The following GAL3ST2 variants were observed in gnomAD, a reference collection of about 807,000 sequenced individuals.
The protein encoded by GAL3ST2 is beta-galactose-3-O-sulfotransferase 2.
GAL3ST2 carries 16 observed loss-of-function variants against 12.9 expected under a neutral mutation model. That is an observed-to-expected ratio of 1.24 (90% CI 0.84 to 1.88). The LOEUF (loss-of-function observed/expected upper bound fraction) is 1.88, where lower values mean the gene tolerates loss of function less well. Ranked by LOEUF, GAL3ST2 falls within the 40% of genes most tolerant of loss-of-function variation. GAL3ST2 has a pLI of 0.00. For synonymous variants in GAL3ST2, 302 were observed against 273.9 expected, an observed-to-expected ratio of 1.10 and a Z score of -1.01; for missense variants, 639 against 571.8, an observed-to-expected ratio of 1.12 and a Z score of -1.20.
Position 241,804,210 on chromosome 2 carries a change from T to G in GAL3ST2, c.*44T>G. On this transcript the variant is annotated 3_prime_UTR_variant, in exon 4 of 4. Coordinates refer to ENST00000192314, the MANE Select transcript of GAL3ST2 (RefSeq NM_022134.3). ...GAGGCCTCCTGCGGACACCAGCTCC[T>G]CTCTCCGCCGTCACCGGGGAGGCCG... 3.0e-6 allele frequency: 4 copies of G among 1,350,150 alleles called. No individual in the cohort carries two copies. Among genetic ancestry groups the G allele is most frequent in the Non-Finnish European group, 3.8e-6 (4 of 1,040,576 alleles). 83.6% of individuals were successfully genotyped at this position (1,350,150 alleles called of 1,614,324 possible). A position where few individuals can be genotyped will look rare whatever the true frequency, so the allele number is the denominator to read the frequency against.
Position 241,803,716 on chromosome 2 carries a change from G to A in GAL3ST2, c.747G>A (p.Val249=). ...TGCGCTGGGCGCTGGACGACGTGGT[G>A]GCCTTCAGGCTCAACTCCCGCAGCG... ...RRLRWALDDV[V]AFRLNSRSAR... The change falls in exon 4 of 4, where the codon GTG becomes GTA. Residue 249 remains valine, a synonymous_variant. Transcript: ENST00000192314. 1 of 1,541,962 alleles carries A rather than the reference G, an allele frequency of 6.5e-7. No homozygotes were observed. Among genetic ancestry groups the A allele is most frequent in the Non-Finnish European group, 8.7e-7 (1 of 1,143,776 alleles).
At chr2:241,780,921 G>A (rs182688194) in intron 1 of GAL3ST2, among the ~76,000 whole-genome samples, 2 of 152,322 alleles carry the variant, frequency 1.3e-5, no homozygotes, top group East Asian at 3.9e-4. Context: ...GTTTTTCCAA[G>A]GGGCATTTAT....
At position 241,801,020 on chromosome 2, in the gene GAL3ST2, C is replaced by G. The variant is rs930332648; in HGVS notation, c.120-761C>G. The G allele has an allele frequency of 6.6e-6, 1 of 152,164 alleles. No homozygotes were observed. Among genetic ancestry groups the G allele is most frequent in the Non-Finnish European group, 1.5e-5 (1 of 68,044 alleles). The allele number at this position is 152,164 out of a possible 1,614,324, so 9.4% of individuals were successfully genotyped here. ...TGCAGGTTTGTTACACAGGTATACA[C>G]GTGCCACGGTAGTTTACTGCACCTA... On this transcript the variant is annotated intron_variant, in intron 2 of 3. Coordinates refer to ENST00000192314, the MANE Select transcript of GAL3ST2 (RefSeq NM_022134.3). This position sits in a 1 kb window ranked among gnomAD's most constrained non-coding sequence, Gnocchi z 4.4.
chr2:241,782,104 T>A (rs899065438), intron 1 of GAL3ST2, among the ~76,000 whole-genome samples: 3 of 152,212 alleles, frequency 2.0e-5, no homozygotes, highest in African/African-American at 7.2e-5. Flanking sequence ...GTAACTTTTA[T>A]TTAGGAGTTG....
intron 1 of GAL3ST2, among the ~76,000 whole-genome samples, chr2:241,797,231 G>A (rs939056648): frequency 2.0e-5 from 3 of 152,102 alleles, no homozygotes; most frequent in Non-Finnish European, 2.9e-5. Context: ...TTGCTTAGAC[G>A]GCAGCCTCAT....
chr2:241,782,383 T>A (rs1699576249), intron 1 of GAL3ST2, among the ~76,000 whole-genome samples: 3 of 152,184 alleles, frequency 2.0e-5, no homozygotes, highest in Admixed American at 2.0e-4. Flanking sequence ...TGGAGTGCAG[T>A]GGTGCAATTT....
chr2:241,790,407 T>C (rs1024292923), intron 1 of GAL3ST2, among the ~76,000 whole-genome samples: 1 of 152,224 alleles, frequency 6.6e-6, no homozygotes, highest in Non-Finnish European at 1.5e-5. Context: ...GAGAAAACTT[T>C]TCTTTTGAGC....
chr2:241,786,139 T>TTGTGTGTG (rs141438054), intron 1 of GAL3ST2, among the ~76,000 whole-genome samples: 10,029 of 145,854 alleles, frequency 0.069, 715 homozygotes, highest in African/African-American at 0.18. Flanking sequence ...CACACACCTT[T>TTGTGTGTG]TGTGTGTGTG....
Position 241,803,738 on chromosome 2 carries a change from AGC to A in GAL3ST2, c.776_777del (p.Arg259LeufsTer114). 2.6e-6 allele frequency: 4 copies of A among 1,529,080 alleles called. No homozygotes were observed. The African/African-American group carries it at 4.3e-5, about 16-fold the overall frequency. The allele number at this position is 1,529,080 out of a possible 1,614,324, so 94.7% of individuals were successfully genotyped here. A position where few individuals can be genotyped will look rare whatever the true frequency, so the allele number is the denominator to read the frequency against. On this transcript the variant is annotated frameshift_variant, in exon 4 of 4. Coordinates refer to ENST00000192314, the MANE Select transcript of GAL3ST2 (RefSeq NM_022134.3). LOFTEE classifies it low-confidence loss of function (END_TRUNC). ...DVVAFRLNSR[S>X]ARSVARLSPE... ...GGTGGCCTTCAGGCTCAACTCCCGC[AGC>A]GCGCGCTCCGTGGCCCGCCTGTCGC... is the stretch of plus-strand genomic sequence containing the variant.
chr2:241,780,907 GC>G (rs1699558553), intron 1 of GAL3ST2, among the ~76,000 whole-genome samples: 1 of 152,194 alleles, frequency 6.6e-6, no homozygotes, highest in African/African-American at 2.4e-5. Flanking sequence ...AAAGTATGAG[GC>G]CAGTTTTTCC....
rs1699760714 is a variant in GAL3ST2 at position 241,795,397 on chromosome 2, AAGC to A, written c.30-3663_30-3661del. On this transcript the variant is annotated intron_variant, in intron 1 of 3. Transcript: ENST00000192314. The surrounding 1 kb of genome is among the most constrained non-coding windows in gnomAD (Gnocchi z 4.5). ...GCCAAGGGGGGTATTGTAAGTGTGA[AAGC>A]AGCATCTCAAACAGATGGCCAGTGC... 6.6e-6 allele frequency among the ~76,000 whole-genome samples: 1 copy of A among 152,212 alleles called. No homozygotes were observed. Among genetic ancestry groups the A allele is most frequent in the South Asian group, 2.1e-4 (1 of 4,824 alleles).
chr2:241,783,265 C>G (rs1291164297), intron 1 of GAL3ST2, among the ~76,000 whole-genome samples: 1 of 151,802 alleles, frequency 6.6e-6, no homozygotes, highest in Non-Finnish European at 1.5e-5. Context: ...AAATATAATT[C>G]CTCTTATTGT....
At chr2:241,780,649 C>T (rs910272239) in intron 1 of GAL3ST2, among the ~76,000 whole-genome samples, 1 of 152,184 alleles carries the variant, frequency 6.6e-6, no homozygotes, top group Non-Finnish European at 1.5e-5. Context: ...TACAGTGCAG[C>T]AAGAATAATT....
chr2:241,801,515 T>G lies in GAL3ST2; in HGVS notation c.120-266T>G. The G allele has an allele frequency of 5.6e-6, 3 of 537,362 alleles. No homozygotes were observed. The highest frequency in any genetic ancestry group is 9.8e-6 in the Non-Finnish European group (3 of 305,386). 33.3% of individuals were successfully genotyped at this position (537,362 alleles called of 1,614,324 possible). On this transcript the variant is annotated intron_variant, in intron 2 of 3. Transcript: ENST00000192314. The surrounding 1 kb of genome is among the most constrained non-coding windows in gnomAD (Gnocchi z 4.4). The stretch of plus-strand genomic sequence containing the variant: ...ATGGGGTTCATTTAGGGTTTTATTT[T>G]TAGTTCTCGGGGGCACAGGGTTGGG...
In GAL3ST2 at chr2:241,802,202, C is replaced by T. The variant is rs938420605; in HGVS notation, c.375+166C>T. Among the ~76,000 whole-genome samples the T allele has an allele frequency of 1.3e-5, 2 of 152,178 alleles. No homozygotes were observed. Among genetic ancestry groups the T allele is most frequent in the Non-Finnish European group, 2.9e-5 (2 of 68,008 alleles). On this transcript the variant is annotated intron_variant, in intron 3 of 3. Coordinates refer to ENST00000192314, the MANE Select transcript of GAL3ST2 (RefSeq NM_022134.3). The surrounding 1 kb of genome is among the most constrained non-coding windows in gnomAD (Gnocchi z 4.8). ...GGCCGCACGCCCTGCTGAGCCAACC[C>T]CTGCCCCTCCAGGCGGCCAGTCGCC...
At chr2:241,794,669 A>C (rs1296669689) in intron 1 of GAL3ST2, among the ~76,000 whole-genome samples, 1 of 152,104 alleles carries the variant, frequency 6.6e-6, no homozygotes, top group Non-Finnish European at 1.5e-5. Context: ...TTTGGGAACG[A>C]CTGAGCTACT....
chr2:241,778,282 G>A (rs1699520315), intron 1 of GAL3ST2, among the ~76,000 whole-genome samples: 1 of 152,232 alleles, frequency 6.6e-6, no homozygotes, highest in Admixed American at 6.5e-5. Context: ...GGACAAAGGG[G>A]ACGGTAGTGT....
At position 241,803,565 on chromosome 2, in the gene GAL3ST2, T is replaced by TCGACCCCAA. The variant is rs1197850056; in HGVS notation, c.599_607dup (p.Asp200_Asn202dup). 5.6e-6 allele frequency: 9 copies of TCGACCCCAA among 1,601,132 alleles called. No individual in the cohort carries two copies. In the African/African-American group the frequency reaches 1.2e-4, roughly 21 times the overall value. On this transcript the variant is annotated inframe_insertion, in exon 4 of 4. Transcript: ENST00000192314. ...AACAACATGTGGTTCGACTTCGGCT[T>TCGACCCCAA]CGACCCCAACGCGCAGTGCGAGGAG...
At chr2:241,796,964 C>T (rs1327777583) in intron 1 of GAL3ST2, among the ~76,000 whole-genome samples, 2 of 152,314 alleles carry the variant, frequency 1.3e-5, no homozygotes, top group Admixed American at 6.5e-5. Context: ...AGGGCTGCCC[C>T]GTTTGCTGTT....
Sources: gnomAD v4.1 joint callset for allele counts (sites outside exome capture counted in the v4.1 genomes callset) on GRCh38, gnomAD v4.1.1 for gene constraint, Gnocchi (gnomAD v3.1) non-coding constraint, MANE v1.5 for transcripts, NCBI Gene and HGNC (gene_info 2026-07-23, HGNC 2026-07-21) for gene names.